PRDM16: variants seen among roughly 807,000 people sequenced by gnomAD.
PRDM16 encodes histone-lysine N-methyltransferase PRDM16.
A neutral mutation model predicts 110.6 loss-of-function variants in PRDM16; 23 were observed. The ratio of observed to expected loss-of-function variants is 0.21; its 90% CI spans 0.15 to 0.29. The LOEUF (loss-of-function observed/expected upper bound fraction) is 0.29, where lower values mean the gene tolerates loss of function less well. Ranked by LOEUF, PRDM16 falls within the 10% of genes least tolerant of loss-of-function variation. The pLI, the probability that PRDM16 is intolerant of heterozygous loss-of-function variation, is 1.00. For missense variants in PRDM16, 1,615 were observed against 1,794.3 expected (o/e 0.90, Z 1.81); for synonymous variants, 799 against 781.8 (o/e 1.02, Z -0.37).
chr1:3,136,280 G>T (rs1643436564), intron 1 of PRDM16, among the ~76,000 whole-genome samples: 1 of 152,230 alleles, frequency 6.6e-6, no homozygotes, highest in Non-Finnish European at 1.5e-5. Context: ...CCCGCGCGAT[G>T]CTCCGGGGTC....
chr1:3,274,959 A>G (rs551447883), intron 3 of PRDM16, among the ~76,000 whole-genome samples: 1 of 152,306 alleles, frequency 6.6e-6, no homozygotes, highest in African/African-American at 2.4e-5. Flanking sequence ...TATGCTGGGA[A>G]CTTGCTCGAG....
intron 1 of PRDM16, among the ~76,000 whole-genome samples, chr1:3,094,690 C>T (rs1293756135): frequency 5.3e-5 from 8 of 152,252 alleles, no homozygotes; most frequent in Admixed American, 3.9e-4. Context: ...TCACAGAACA[C>T]GCAGACATTC....
intron 1 of PRDM16, among the ~76,000 whole-genome samples, chr1:3,179,176 C>T (rs1296998318): frequency 6.6e-6 from 1 of 152,242 alleles, no homozygotes; most frequent in Non-Finnish European, 1.5e-5. Flanking sequence ...GACTTCTCTG[C>T]CTGATGGTTG....
At position 3,181,783 on chromosome 1, in the gene PRDM16, GTCTTACACA is replaced by G. The variant is rs1644205703; in HGVS notation, c.38-4340_38-4332del. Among the ~76,000 whole-genome samples, 4 of 139,470 alleles carry G rather than the reference GTCTTACACA, an allele frequency of 2.9e-5. 1 individual carries two copies. Among genetic ancestry groups the G allele is most frequent in the African/African-American group, 1.1e-4 (4 of 34,908 alleles). 91.5% of individuals were successfully genotyped at this position (139,470 alleles called of 152,430 possible). ...TCTTACACACAGTCTTACACATGCA[GTCTTACACA>G]TGCAGTCTTACACACGGTCTTACAC... is the stretch of plus-strand genomic sequence containing the variant. On this transcript the variant is annotated intron_variant, in intron 1 of 16. Transcript: ENST00000270722.
chr1:3,418,641 A>T (rs1340934122), intron 11 of PRDM16, 26 bp from the exon 12 acceptor site: 2 of 1,524,182 alleles, frequency 1.3e-6, no homozygotes, highest in Non-Finnish European at 1.8e-6. Flanking sequence ...ATCCTCCCTC[A>T]CCCTCCCCAC....
chr1:3,340,970 G>C (rs1411822534), intron 3 of PRDM16, among the ~76,000 whole-genome samples: 2 of 152,210 alleles, frequency 1.3e-5, no homozygotes, highest in Non-Finnish European at 2.9e-5. Flanking sequence ...GCTGACCCCA[G>C]CGCACCTTCC....
intron 3 of PRDM16, among the ~76,000 whole-genome samples, chr1:3,319,581 G>A (rs1175096907): frequency 2.0e-5 from 3 of 152,178 alleles, no homozygotes; most frequent in Non-Finnish European, 2.9e-5. Context: ...TATCTCACCA[G>A]TGGCCCCTGG....
intron 5 of PRDM16, among the ~76,000 whole-genome samples, chr1:3,398,480 T>G (rs1334699781): frequency 6.6e-6 from 1 of 152,158 alleles, no homozygotes; most frequent in African/African-American, 2.4e-5. Flanking sequence ...AAGATAATTA[T>G]CATAAAAAAT....
chr1:3,337,730 C>T (rs1035536756), intron 3 of PRDM16, among the ~76,000 whole-genome samples: 3 of 152,202 alleles, frequency 2.0e-5, no homozygotes, highest in African/African-American at 7.2e-5. Flanking sequence ...TTTGGTCTCT[C>T]TGGTTGGGGA....
chr1:3,199,325 T>C (rs546807244), intron 2 of PRDM16, among the ~76,000 whole-genome samples: 36 of 152,258 alleles, frequency 2.4e-4, no homozygotes, highest in African/African-American at 8.7e-4. Flanking sequence ...AAATAAAACC[T>C]TGTGTGAAAA....
intron 9 of PRDM16, among the ~76,000 whole-genome samples, chr1:3,413,559 C>T (rs1643730930): frequency 6.6e-6 from 1 of 152,152 alleles, no homozygotes; most frequent in Non-Finnish European, 1.5e-5. Flanking sequence ...AGCACCTGTC[C>T]CTGTGCTCCC....
chr1:3,245,478 C>T lies in PRDM16; in HGVS notation c.438+1341C>T, dbSNP rs543509479. ...TGGCAATGGAGACTTTTGCTGGGCC[C>T]GCAGTGACCCGCTGAAGGGCCTCCG... is the stretch of plus-strand genomic sequence containing the variant. On this transcript the variant is annotated intron_variant, in intron 3 of 16. Transcript: ENST00000270722. The surrounding 1 kb of genome is among the most constrained non-coding windows in gnomAD (Gnocchi z 4.7). Among the ~76,000 whole-genome samples, 15 of 152,268 alleles carry T rather than the reference C, an allele frequency of 9.9e-5. No homozygotes were observed. The highest frequency in any genetic ancestry group is 1.8e-4 in the Non-Finnish European group (12 of 68,028).
chr1:3,228,802 T>C (rs1032209352), intron 2 of PRDM16, among the ~76,000 whole-genome samples: 5 of 152,166 alleles, frequency 3.3e-5, no homozygotes, highest in Non-Finnish European at 1.5e-5. Context: ...CCTCCTGCCA[T>C]GGGGTCTCCT....
chr1:3,366,297 G>T (rs1642814435), intron 3 of PRDM16, among the ~76,000 whole-genome samples: 1 of 152,252 alleles, frequency 6.6e-6, no homozygotes, highest in East Asian at 1.9e-4. Flanking sequence ...ACCCAGTGCA[G>T]CAGGACTCCG....
intron 1 of PRDM16, among the ~76,000 whole-genome samples, chr1:3,150,986 G>T (rs530307597): frequency 5.1e-5 from 5 of 97,132 alleles, no homozygotes; most frequent in African/African-American, 1.9e-4. Flanking sequence ...CTATGGAAAC[G>T]GGGGGCTGGT....
intron 3 of PRDM16, among the ~76,000 whole-genome samples, chr1:3,267,917 G>T (rs1056259321): frequency 6.6e-6 from 1 of 152,234 alleles, no homozygotes; most frequent in African/African-American, 2.4e-5. Context: ...CAGGATGGAG[G>T]TGGAAACCCT....
intron 3 of PRDM16, among the ~76,000 whole-genome samples, chr1:3,321,900 G>T (rs553968018): frequency 1.6e-4 from 25 of 151,910 alleles, no homozygotes; most frequent in Non-Finnish European, 3.2e-4. Flanking sequence ...GTTTGTGTTT[G>T]TAGGAGCACG....
intron 2 of PRDM16, among the ~76,000 whole-genome samples, chr1:3,218,739 G>C (rs1207856801): frequency 6.6e-6 from 1 of 152,168 alleles, no homozygotes; most frequent in East Asian, 1.9e-4. Flanking sequence ...TCTTGGCAGC[G>C]AGGGGTGGCT....
chr1:3,192,882 T>G (rs986954143), intron 2 of PRDM16, among the ~76,000 whole-genome samples: 9 of 152,296 alleles, frequency 5.9e-5, no homozygotes, highest in Non-Finnish European at 1.3e-4. Context: ...CTGGCCTCCC[T>G]GCAGGTTTGT....
Sources: allele counts gnomAD v4.1 joint callset (sites outside exome capture counted in the v4.1 genomes callset), GRCh38; gene constraint gnomAD v4.1.1; non-coding constraint Gnocchi (gnomAD v3.1); transcripts MANE v1.5; gene names NCBI Gene and HGNC (gene_info 2026-07-23, HGNC 2026-07-21).